PPP2CB: variants seen among roughly 807,000 people sequenced by gnomAD.
PPP2CB encodes the protein protein phosphatase 2 catalytic subunit beta.
A neutral mutation model predicts 39.1 loss-of-function variants in PPP2CB; 18 were observed. That is an observed-to-expected ratio of 0.46 (90% CI 0.32 to 0.68). The LOEUF is 0.68. Among genes scored for constraint, PPP2CB ranks in the 30% least tolerant of loss-of-function variants. The pLI is 0.04. For synonymous variants in PPP2CB, 129 were observed against 133.8 expected, an observed-to-expected ratio of 0.96 and a Z score of 0.25; for missense variants, 226 against 396.9, an observed-to-expected ratio of 0.57 and a Z score of 3.66.
intron 1 of PPP2CB, among the ~76,000 whole-genome samples, chr8:30,806,483 AT>A (rs1400733315): frequency 6.6e-6 from 1 of 152,236 alleles, no homozygotes; most frequent in African/African-American, 2.4e-5. Flanking sequence ...TTAGGTTTAC[AT>A]TTCATTACAT....
intron 6 of PPP2CB, 35 bp from the exon 7 acceptor site, chr8:30,786,342 C>G (rs758941565): frequency 6.7e-7 from 1 of 1,501,272 alleles, no homozygotes; most frequent in South Asian, 1.2e-5. Flanking sequence ...AATAAAGGAT[C>G]TGACTTTGCA....
chr8:30,805,261 T>C (rs748423636), intron 1 of PPP2CB, among the ~76,000 whole-genome samples: 16 of 152,178 alleles, frequency 1.1e-4, no homozygotes, highest in Non-Finnish European at 1.9e-4. Context: ...TTTCCCTCTC[T>C]ATAAGATGGG....
chr8:30,809,742 A>G (rs976647825), intron 1 of PPP2CB, among the ~76,000 whole-genome samples: 10 of 152,128 alleles, frequency 6.6e-5, no homozygotes, highest in Admixed American at 4.6e-4. Context: ...AGAGTTCGAG[A>G]CCAGCCTGGG....
At chr8:30,805,569 CA>C (rs375475622) in intron 1 of PPP2CB, among the ~76,000 whole-genome samples, 1 of 149,954 alleles carries the variant, frequency 6.7e-6, no homozygotes, top group Non-Finnish European at 1.5e-5. Flanking sequence ...CACAAAAAAA[CA>C]AAAAAAAAGA....
chr8:30,808,696 T>C (rs1461833877), intron 1 of PPP2CB, among the ~76,000 whole-genome samples: 1 of 152,174 alleles, frequency 6.6e-6, no homozygotes, highest in Non-Finnish European at 1.5e-5. Context: ...TTAATTCCAG[T>C]ACTGTGTGGT....
At chr8:30,809,483 A>G (rs2128763020) in intron 1 of PPP2CB, among the ~76,000 whole-genome samples, 1 of 152,320 alleles carries the variant, frequency 6.6e-6, no homozygotes, top group East Asian at 1.9e-4. Flanking sequence ...CATAGCTGCC[A>G]GAAGAGGGCT....
chr8:30,797,844 G>C lies in PPP2CB; in HGVS notation c.313-90C>G, dbSNP rs575303720. ...CAGTCTCTGACCCATTTTTAAACACGGCGCTTTTGGCCACCAGTATATTAA... is the reference window on the plus strand; with the variant it reads ...CAGTCTCTGACCCATTTTTAAACACCGCGCTTTTGGCCACCAGTATATTAA... On this transcript the variant is annotated intron_variant, in intron 2 of 6. Coordinates refer to ENST00000221138, the MANE Select transcript of PPP2CB (RefSeq NM_001009552.2). 88 of 1,282,886 alleles carry C rather than the reference G, an allele frequency of 6.9e-5. No homozygotes were observed. The African/African-American group carries it at 1.3e-3, about 18-fold the overall frequency. 79.5% of individuals were successfully genotyped at this position (1,282,886 alleles called of 1,614,324 possible).
intron 6 of PPP2CB, chr8:30,786,620 A>G (rs920627342): frequency 1.9e-5 from 3 of 158,156 alleles, no homozygotes; most frequent in African/African-American, 7.3e-5. Context: ...AAATAATTAA[A>G]CAATAATTGT....
intron 1 of PPP2CB, among the ~76,000 whole-genome samples, chr8:30,800,278 G>C (rs923186272): frequency 1.3e-5 from 2 of 152,188 alleles, no homozygotes; most frequent in African/African-American, 4.8e-5. Context: ...AGTGCAAGAA[G>C]TCAGTCACAA....
intron 1 of PPP2CB, among the ~76,000 whole-genome samples, chr8:30,808,530 T>C (rs1175105622): frequency 6.6e-6 from 1 of 152,200 alleles, no homozygotes; most frequent in Non-Finnish European, 1.5e-5. Flanking sequence ...AACCCAAAAA[T>C]TGAATCACAA....
chr8:30,808,976 G>A (rs12544653), intron 1 of PPP2CB, among the ~76,000 whole-genome samples: 35,462 of 146,120 alleles, frequency 0.24, 5,721 homozygotes, highest in African/African-American at 0.46. Flanking sequence ...CCAGGCTGGA[G>A]TGCAGCGGTA....
chr8:30,812,280 C>T, intron 1 of PPP2CB, 40 bp downstream of exon 1: 1 of 1,437,210 alleles, frequency 7.0e-7, no homozygotes, highest in Non-Finnish European at 9.2e-7. Flanking sequence ...CGGCCCGTCC[C>T]AGCCCCGCGC....
chr8:30,805,491 C>T (rs1025777352), intron 1 of PPP2CB, among the ~76,000 whole-genome samples: 1 of 151,988 alleles, frequency 6.6e-6, no homozygotes, highest in Admixed American at 6.5e-5. Context: ...ACCCGGTAGG[C>T]GGAGCTTGCA....
intron 5 of PPP2CB, among the ~76,000 whole-genome samples, chr8:30,791,998 A>G (rs1194645666): frequency 1.3e-5 from 2 of 150,488 alleles, no homozygotes; most frequent in African/African-American, 2.5e-5. Flanking sequence ...GTGTGCATAT[A>G]TGTATACACA....
At chr8:30,790,868 G>A (rs1806417268) in intron 6 of PPP2CB, 3 of 211,060 alleles carry the variant, frequency 1.4e-5, no homozygotes, top group Admixed American at 5.8e-5. Context: ...AGCGTAGAGC[G>A]CCTGTAGTCG....
chr8:30,798,036 C>T (rs755705164), intron 2 of PPP2CB, among the ~76,000 whole-genome samples: 3 of 152,160 alleles, frequency 2.0e-5, no homozygotes, highest in African/African-American at 7.2e-5. Flanking sequence ...GTATCTGATA[C>T]TTTGCTTCTA....
rs1487232346 is a variant in PPP2CB, at chr8:30,812,402, G to A, written c.20C>T (p.Thr7Ile). 2 of 1,540,208 alleles carry A rather than the reference G, an allele frequency of 1.3e-6. No individual in the cohort carries two copies. Among genetic ancestry groups the A allele is most frequent in the Admixed American group, 3.6e-5 (2 of 55,682 alleles). ...CTCGACCCACTGGTCCAGCTCCTTG[G>A]TGAACGCCTTGTCGTCCATGGCGGC... MDDKAF[T>I]KELDQWVEQL... The change falls in exon 1 of 7, where the codon ACC (threonine) becomes ATC (isoleucine). Residue 7 changes from threonine (T) to isoleucine (I), a missense_variant. This residue lies in a region of PPP2CB where 59 missense variants were observed against 42.6 expected (regional missense o/e 1.38). Transcript: ENST00000221138.
At chr8:30,808,932 T>TC (rs1806772020) in intron 1 of PPP2CB, among the ~76,000 whole-genome samples, 1 of 126,616 alleles carries the variant, frequency 7.9e-6, no homozygotes, top group Non-Finnish European at 1.8e-5. Context: ...CTTTTTTTTT[T>TC]TTTTTTTTTT....
intron 6 of PPP2CB, among the ~76,000 whole-genome samples, chr8:30,790,176 T>C (rs1246491024): frequency 6.6e-6 from 1 of 152,220 alleles, no homozygotes; most frequent in African/African-American, 2.4e-5. Context: ...GGGGACATTA[T>C]TCAACTCAGT....
Sources: gnomAD v4.1 joint callset for allele counts (sites outside exome capture counted in the v4.1 genomes callset) on GRCh38, gnomAD v4.1.1 for gene constraint, gnomAD v4.1.1 regional missense constraint, MANE v1.5 for transcripts, NCBI Gene and HGNC (gene_info 2026-07-23, HGNC 2026-07-21) for gene names.